Variants in TMEM132C observed in about 807,000 individuals in gnomAD.
The protein encoded by TMEM132C is transmembrane protein 132C.
TMEM132C carries 29 observed loss-of-function variants against 61.4 expected under a neutral mutation model. That is an observed-to-expected ratio of 0.47 (90% CI 0.35 to 0.64). The LOEUF (loss-of-function observed/expected upper bound fraction) is 0.64, where lower values mean the gene tolerates loss of function less well. Among genes scored for constraint, TMEM132C ranks in the 30% least tolerant of loss-of-function variants. TMEM132C has a pLI of 0.00. For missense variants in TMEM132C, 1,408 were observed against 1,476.9 expected (o/e 0.95, Z 0.76); for synonymous variants, 656 against 633.1 (o/e 1.04, Z -0.54).
At position 128,295,544 on chromosome 12, in the gene TMEM132C, C is replaced by CT. The variant is rs543692424; in HGVS notation, c.85+28058dup. On this transcript the variant is annotated intron_variant, in intron 1 of 8. Coordinates refer to ENST00000435159, the MANE Select transcript of TMEM132C (RefSeq NM_001136103.3). ...AGGGCGTCCTGTCTGTAACAGCCTG[C>CT]TACCTTCCACCCCCTCCCCTGGGTA... is the stretch of plus-strand genomic sequence containing the variant. 2.9e-3 allele frequency among the ~76,000 whole-genome samples: 370 copies of CT among 129,112 alleles called. 2 individuals are homozygous for CT. Among genetic ancestry groups the CT allele is most frequent in the African/African-American group, 9.2e-3 (350 of 38,086 alleles). The allele number at this position is 129,112 out of a possible 152,430, so 84.7% of individuals were successfully genotyped here. A position where few individuals can be genotyped will look rare whatever the true frequency, so the allele number is the denominator to read the frequency against.
intron 1 of TMEM132C, among the ~76,000 whole-genome samples, chr12:128,325,723 C>T (rs190045506): frequency 4.6e-5 from 7 of 152,168 alleles, no homozygotes; most frequent in East Asian, 3.9e-4. Context: ...GTTTCCAGTT[C>T]GGGGCTTTCA....
At chr12:128,529,332 A>T (rs1356916897) in intron 2 of TMEM132C, among the ~76,000 whole-genome samples, 1 of 152,172 alleles carries the variant, frequency 6.6e-6, no homozygotes, top group East Asian at 1.9e-4. Context: ...AGTTTAAAGG[A>T]AATGCAAAGG....
chr12:128,329,647 C>T (rs1872620270), intron 1 of TMEM132C, among the ~76,000 whole-genome samples: 3 of 152,152 alleles, frequency 2.0e-5, no homozygotes, highest in East Asian at 1.9e-4. Context: ...AGATGGTATG[C>T]GGAGGTCTGG....
chr12:128,682,825 G>A (rs1954646337), intron 5 of TMEM132C, among the ~76,000 whole-genome samples: 1 of 152,152 alleles, frequency 6.6e-6, no homozygotes, highest in African/African-American at 2.4e-5. Context: ...TCAAGGTGTG[G>A]ACAGGGCCAC....
chr12:128,343,293 G>A (rs115846770), intron 1 of TMEM132C, among the ~76,000 whole-genome samples: 2,886 of 152,058 alleles, frequency 0.019, 81 homozygotes, highest in African/African-American at 0.066. Context: ...GCATGGTAGC[G>A]CGTGGTTGTA....
intron 8 of TMEM132C, among the ~76,000 whole-genome samples, chr12:128,699,986 C>T (rs1232178442): frequency 6.6e-6 from 1 of 152,160 alleles, no homozygotes; most frequent in Admixed American, 6.5e-5. Context: ...AATACTCTCA[C>T]ATTTGGGATT....
intron 1 of TMEM132C, among the ~76,000 whole-genome samples, chr12:128,389,231 T>A (rs915935648): frequency 6.6e-6 from 1 of 152,120 alleles, no homozygotes; most frequent in Non-Finnish European, 1.5e-5. Flanking sequence ...ACAAACAAGA[T>A]AAAGTCCCTC....
chr12:128,363,317 A>G (rs9669372), intron 1 of TMEM132C, among the ~76,000 whole-genome samples: 4,750 of 152,346 alleles, frequency 0.031, 264 homozygotes, highest in African/African-American at 0.11. Context: ...CTCCACTTCA[A>G]CGACTTAACA....
intron 4 of TMEM132C, among the ~76,000 whole-genome samples, chr12:128,621,054 G>A (rs1055417091): frequency 1.3e-5 from 2 of 151,992 alleles, no homozygotes; most frequent in Admixed American, 6.5e-5. Flanking sequence ...AGATGGCAGC[G>A]GGGCCTTCTC....
intron 4 of TMEM132C, among the ~76,000 whole-genome samples, chr12:128,629,966 AAATT>A (rs1163922648): frequency 1.1e-4 from 14 of 126,506 alleles, no homozygotes; most frequent in Non-Finnish European, 1.7e-5. Context: ...AACTCCGTCT[AAATT>A]AAAAAAAAAA....
At chr12:128,417,097 G>T (rs981860157) in intron 2 of TMEM132C, among the ~76,000 whole-genome samples, 5 of 152,154 alleles carry the variant, frequency 3.3e-5, no homozygotes, top group Non-Finnish European at 1.5e-5. Context: ...TGAATACTGG[G>T]TTTGTTTCCC....
chr12:128,417,595 C>T (rs576682492), intron 2 of TMEM132C, among the ~76,000 whole-genome samples: 2 of 152,272 alleles, frequency 1.3e-5, no homozygotes, highest in East Asian at 3.9e-4. Context: ...CCTCTGTGTG[C>T]CTCAGTTTCC....
At chr12:128,321,435 G>T (rs1593010172) in intron 1 of TMEM132C, among the ~76,000 whole-genome samples, 3 of 152,156 alleles carry the variant, frequency 2.0e-5, no homozygotes, top group Admixed American at 2.0e-4. Flanking sequence ...AAGACAAAAT[G>T]TCAGAAATGG....
At chr12:128,291,657 C>G (rs1310931915) in intron 1 of TMEM132C, among the ~76,000 whole-genome samples, 1 of 152,210 alleles carries the variant, frequency 6.6e-6, no homozygotes, top group African/African-American at 2.4e-5. Flanking sequence ...AATACCTGTG[C>G]TGGTTGAGTC....
intron 1 of TMEM132C, among the ~76,000 whole-genome samples, chr12:128,368,172 A>C (rs1873925624): frequency 6.6e-6 from 1 of 152,228 alleles, no homozygotes; most frequent in African/African-American, 2.4e-5. Context: ...GGCATAGTTC[A>C]TCCCCACTAG....
chr12:128,325,078 G>A (rs1295597553), intron 1 of TMEM132C, among the ~76,000 whole-genome samples: 1 of 152,156 alleles, frequency 6.6e-6, no homozygotes, highest in Non-Finnish European at 1.5e-5. Flanking sequence ...ACTACTTGAA[G>A]GCCTGATACT....
intron 2 of TMEM132C, among the ~76,000 whole-genome samples, chr12:128,523,841 C>T (rs796981753): frequency 1.3e-5 from 2 of 149,542 alleles, no homozygotes; most frequent in African/African-American, 4.9e-5. Flanking sequence ...GACCCTGTCT[C>T]TACAAATAAT....
At chr12:128,600,715 A>G (rs1328341315) in intron 3 of TMEM132C, among the ~76,000 whole-genome samples, 2 of 151,822 alleles carry the variant, frequency 1.3e-5, no homozygotes, top group African/African-American at 4.8e-5. Context: ...GTGTGAGGGA[A>G]CTCCCTCTGG....
intron 2 of TMEM132C, among the ~76,000 whole-genome samples, chr12:128,524,290 T>C (rs1873011731): frequency 6.6e-6 from 1 of 152,148 alleles, no homozygotes; most frequent in African/African-American, 2.4e-5. Context: ...CACGATGGCA[T>C]TGGGAGTGTG....
Sources: allele counts gnomAD v4.1 joint callset (sites outside exome capture counted in the v4.1 genomes callset), GRCh38; gene constraint gnomAD v4.1.1; transcripts MANE v1.5; gene names NCBI Gene and HGNC (gene_info 2026-07-23, HGNC 2026-07-21).